NLRP8: variants seen among roughly 807,000 people sequenced by gnomAD.
NLRP8 encodes NACHT, LRR and PYD domains-containing protein 8.
A neutral mutation model predicts 88.7 loss-of-function variants in NLRP8; 86 were observed. The observed-to-expected ratio is 0.97, with a 90% CI of 0.81 to 1.16. The LOEUF (loss-of-function observed/expected upper bound fraction) is 1.16. Ranked by LOEUF, NLRP8 falls within the 50% of genes most tolerant of loss-of-function variation. The pLI is 0.00. For missense variants in NLRP8, 1,342 were observed against 1,286.5 expected (o/e 1.04, Z -0.66); for synonymous variants, 504 against 494.6 (o/e 1.02, Z -0.25).
At position 55,962,232 on chromosome 19, in the gene NLRP8, G is replaced by T. The variant is rs1568462641; in HGVS notation, c.2208G>T (p.Lys736Asn). 7 of 1,612,818 alleles carry T rather than the reference G, an allele frequency of 4.3e-6. No individual in the cohort carries two copies. Among genetic ancestry groups the T allele is most frequent in the Non-Finnish European group, 5.9e-6 (7 of 1,179,724 alleles). Reference sequence around the variant, plus strand: ...GGCACCCTCAGTGCAAACTGCAAAAGCTACTGTGAGTATAACACAAATCCC... The same window carrying T: ...GGCACCCTCAGTGCAAACTGCAAAATCTACTGTGAGTATAACACAAATCCC... Residue 736 changes from lysine to asparagine, a missense_variant, in exon 4 of 10, where the codon AAG (lysine) becomes AAT (asparagine). Coordinates refer to ENST00000291971, the MANE Select transcript of NLRP8 (RefSeq NM_176811.2).
chr19:55,954,080 G>C (rs1031425856), intron 2 of NLRP8, among the ~76,000 whole-genome samples: 14 of 152,088 alleles, frequency 9.2e-5, no homozygotes, highest in Non-Finnish European at 1.9e-4. Flanking sequence ...TGGGATTACA[G>C]GTACAAGCCG....
chr19:55,967,389 A>C (rs563774378), intron 5 of NLRP8, among the ~76,000 whole-genome samples: 240 of 152,238 alleles, frequency 1.6e-3, no homozygotes, highest in Non-Finnish European at 2.9e-3. Context: ...CCTACTCTCT[A>C]TGTCCATGAG....
intron 5 of NLRP8, among the ~76,000 whole-genome samples, chr19:55,967,182 C>T (rs939205469): frequency 1.3e-5 from 2 of 152,222 alleles, no homozygotes; most frequent in Admixed American, 1.3e-4. Context: ...CCTGTTAACC[C>T]GTTTATGCCC....
rs1979637507 is a variant in NLRP8, at chr19:55,962,097, G to C, written c.2073G>C (p.Trp691Cys). ...CAGAGAGCAATGGGCTGCATCGTTG[G>C]TGGCAAGACTTATGCTCTGTGTTTG... The change falls in exon 4 of 10, where the codon TGG becomes TGC. Residue 691 changes from tryptophan to cysteine, a missense_variant. Trp to Cys is a radical substitution (Grantham distance 215). Coordinates refer to ENST00000291971, the MANE Select transcript of NLRP8 (RefSeq NM_176811.2). 1 of 1,614,180 alleles carries C rather than the reference G, an allele frequency of 6.2e-7. No individual in the cohort carries two copies. The highest frequency in any genetic ancestry group is 2.2e-5 in the East Asian group (1 of 44,886).
chr19:55,976,066 T>C (rs1980297844), intron 7 of NLRP8, 67 bp from the exon 8 acceptor site: 2 of 1,178,982 alleles, frequency 1.7e-6, no homozygotes, highest in South Asian at 1.9e-5. Context: ...GTGTTTTCGT[T>C]GTTGTTGTTG....
chr19:55,979,502 C>G lies in NLRP8; in HGVS notation c.2985C>G (p.Val995=), dbSNP rs1250614031. Residue 995 remains valine (V), a synonymous_variant, in exon 9 of 10, where the codon GTC becomes GTG. Transcript: ENST00000291971. ...ACTTGAGCAAGAATGCGATTGGAGT[C>G]TATGGTATTCTGACCTTGTGCGAGG... 1 of 1,614,058 alleles carries G rather than the reference C, an allele frequency of 6.2e-7. No individual in the cohort carries two copies. The highest frequency in any genetic ancestry group is 8.5e-7 in the Non-Finnish European group (1 of 1,180,034).
chr19:55,982,137 C>T (rs1407314920), intron 9 of NLRP8, among the ~76,000 whole-genome samples: 10 of 152,096 alleles, frequency 6.6e-5, no homozygotes, highest in Admixed American at 4.6e-4. Flanking sequence ...CTCTTGACCT[C>T]GTGATTTGCC....
At chr19:55,953,836 C>T (rs1473705371) in intron 2 of NLRP8, among the ~76,000 whole-genome samples, 2 of 122,220 alleles carry the variant, frequency 1.6e-5, no homozygotes, top group African/African-American at 3.1e-5. Context: ...GAGTCTCACT[C>T]TGTCACCCAC....
intron 5 of NLRP8, among the ~76,000 whole-genome samples, chr19:55,969,797 C>T (rs1412902826): frequency 1.3e-5 from 2 of 152,122 alleles, no homozygotes; most frequent in Non-Finnish European, 2.9e-5. Flanking sequence ...GGATAATCTC[C>T]GCATTTCATT....
Position 55,948,697 on chromosome 19 carries a change from C to G in NLRP8, c.367+428C>G, listed in dbSNP as rs371488304. Among the ~76,000 whole-genome samples, 4 of 152,320 alleles carry G rather than the reference C, an allele frequency of 2.6e-5. No homozygotes were observed. The South Asian group carries it at 8.3e-4, about 32-fold the overall frequency. On this transcript the variant is annotated intron_variant, in intron 1 of 9. Transcript: ENST00000291971. Reference sequence around the variant, plus strand: ...AGGTAATCCGCCTGCCTTGGCCCCCCAAAGTGCTGGGATTGCAGGTGTGAG... The same window carrying G: ...AGGTAATCCGCCTGCCTTGGCCCCCGAAAGTGCTGGGATTGCAGGTGTGAG...
rs769586034 is a variant in NLRP8, at chr19:55,955,076, C to T, written c.1018C>T (p.Gln340Ter). ...GATCATGATAAGATTTACCTCTTGG[C>T]AGACATGCAAGCCCTTGCTGAAATG... Residue 340 changes from glutamine (Q) to a stop codon, truncating the protein, a stop_gained, in exon 3 of 10, where the codon CAG becomes TAG. Transcript: ENST00000291971. LOFTEE classifies it high-confidence loss of function. 2.5e-6 allele frequency: 4 copies of T among 1,613,978 alleles called. No individual in the cohort carries two copies. In the African/African-American group the frequency reaches 5.3e-5, roughly 22 times the overall value.
At chr19:55,975,895 T>A (rs531697761) in intron 7 of NLRP8, among the ~76,000 whole-genome samples, 1 of 152,248 alleles carries the variant, frequency 6.6e-6, no homozygotes, top group Non-Finnish European at 1.5e-5. Context: ...TCATACAACT[T>A]TATAAATAGA....
Position 55,973,806 on chromosome 19 carries a change from C to T in NLRP8, c.2689C>T (p.Pro897Ser), listed in dbSNP as rs780823563. The change falls in exon 7 of 10, where the codon CCT becomes TCT. Residue 897 changes from proline to serine, a missense_variant. Transcript: ENST00000291971. ...GAATGCCCTGCCACACCTGAGATGT[C>T]CTCTGCAGAGGCTGGTGTAAGTCCC... The T allele has an allele frequency of 6.2e-7, 1 of 1,613,180 alleles. No homozygotes were observed. The highest frequency in any genetic ancestry group is 8.5e-7 in the Non-Finnish European group (1 of 1,179,422).
At chr19:55,961,986 G>T in intron 3 of NLRP8, 81 bp from the exon 4 acceptor site, 1 of 1,466,350 alleles carries the variant, frequency 6.8e-7, no homozygotes, top group Non-Finnish European at 9.3e-7. Context: ...ACCAGGATAG[G>T]GAACACCAGC....
chr19:55,962,440 C>T (rs564118317), intron 4 of NLRP8, among the ~76,000 whole-genome samples: 1 of 152,310 alleles, frequency 6.6e-6, no homozygotes, highest in Admixed American at 6.5e-5. Context: ...CTCGATCTGT[C>T]TCTAGTTACT....
chr19:55,979,964 G>A (rs913634680), intron 9 of NLRP8, among the ~76,000 whole-genome samples: 18 of 152,060 alleles, frequency 1.2e-4, no homozygotes, highest in African/African-American at 4.3e-4. Context: ...TATTGTTTCA[G>A]GTGTTGCTAC....
chr19:55,950,288 G>A (rs1028912379), intron 1 of NLRP8, among the ~76,000 whole-genome samples: 2 of 150,958 alleles, frequency 1.3e-5, no homozygotes, highest in Non-Finnish European at 2.9e-5. Context: ...GCGTGGTGAC[G>A]GGTGCCTGTA....
chr19:55,974,816 G>A (rs1408737455), intron 7 of NLRP8, among the ~76,000 whole-genome samples: 7 of 151,602 alleles, frequency 4.6e-5, no homozygotes, highest in African/African-American at 1.5e-4. Flanking sequence ...GCAGTTACCC[G>A]AGAGACTTTC....
chr19:55,957,942 G>A lies in NLRP8; in HGVS notation c.2042+1842G>A, dbSNP rs1056624776. On this transcript the variant is annotated intron_variant, in intron 3 of 9. Coordinates refer to ENST00000291971, the MANE Select transcript of NLRP8 (RefSeq NM_176811.2). ...CACTGACTACTCATTTCTTCATATT[G>A]GTTGATATTTATTTGGCATTTGCCA... Among the ~76,000 whole-genome samples the A allele has an allele frequency of 8.6e-5, 13 of 151,966 alleles. 1 individual carries two copies. The highest frequency in any genetic ancestry group is 1.5e-4 in the Non-Finnish European group (10 of 67,992).
Sources: gnomAD v4.1 joint callset for allele counts (sites outside exome capture counted in the v4.1 genomes callset) on GRCh38, gnomAD v4.1.1 for gene constraint, MANE v1.5 for transcripts, NCBI Gene and HGNC (gene_info 2026-07-23, HGNC 2026-07-21) for gene names.